The following CCDC171 variants were observed in gnomAD, a reference collection of about 807,000 sequenced individuals.
CCDC171 encodes the protein coiled-coil domain containing 171, also known as coiled-coil domain-containing protein 171.
In CCDC171, 177 loss-of-function variants were observed where a neutral mutation model predicts 168.2. The ratio of observed to expected loss-of-function variants is 1.05; its 90% CI spans 0.93 to 1.19. The LOEUF is 1.19. Ranked by LOEUF, CCDC171 falls within the 50% of genes most tolerant of loss-of-function variation. The pLI, the probability that CCDC171 is intolerant of heterozygous loss-of-function variation, is 0.00. For missense variants in CCDC171, 1,991 were observed against 1,539.0 expected, an observed-to-expected ratio of 1.29 and a Z score of -4.91; for synonymous variants, 687 against 540.8, an observed-to-expected ratio of 1.27 and a Z score of -3.75.
At chr9:15,709,625 A>T (rs1331667088) in intron 11 of CCDC171, among the ~76,000 whole-genome samples, 1 of 152,192 alleles carries the variant, frequency 6.6e-6, no homozygotes, top group East Asian at 1.9e-4. Flanking sequence ...TTACAGGGAA[A>T]AATAATCAAA....
chr9:15,555,272 CA>C (rs1221358287), intron 1 of CCDC171, among the ~76,000 whole-genome samples: 1 of 152,002 alleles, frequency 6.6e-6, no homozygotes, highest in Non-Finnish European at 1.5e-5. Flanking sequence ...ACTCCACTAT[CA>C]AAAAAAGATT....
intron 11 of CCDC171, among the ~76,000 whole-genome samples, chr9:15,710,654 G>A (rs2052596312): frequency 6.6e-6 from 1 of 151,516 alleles, no homozygotes; most frequent in Admixed American, 6.6e-5. Context: ...GGAGTACGGT[G>A]GCACAATCTC....
chr9:15,805,966 A>T lies in CCDC171; in HGVS notation c.3267+21272A>T, dbSNP rs555207585. Among the ~76,000 whole-genome samples, 11 of 152,192 alleles carry T rather than the reference A, an allele frequency of 7.2e-5. No homozygotes were observed. The South Asian group carries it at 1.2e-3, about 17-fold the overall frequency. On this transcript the variant is annotated intron_variant, in intron 21 of 25. Coordinates refer to ENST00000380701, the MANE Select transcript of CCDC171 (RefSeq NM_173550.4). Reference sequence around the variant, plus strand: ...TTTATTGTGTGTATATATATTTAGTATAGTTAGCTCTTCTTGTTGAATGTC... The same window carrying T: ...TTTATTGTGTGTATATATATTTAGTTTAGTTAGCTCTTCTTGTTGAATGTC...
intron 5 of CCDC171, 33 bp downstream of exon 5, chr9:15,591,589 A>T (rs2042012242): frequency 8.3e-7 from 1 of 1,204,464 alleles, no homozygotes; most frequent in Non-Finnish European, 1.2e-6. Context: ...ATTTTCCGAT[A>T]TGTAATATTC....
At chr9:16,045,377 G>C (rs1442862991) in intron 1 of CCDC171, among the ~76,000 whole-genome samples, 2 of 152,204 alleles carry the variant, frequency 1.3e-5, no homozygotes, top group Non-Finnish European at 2.9e-5. Context: ...GACATTTTGA[G>C]CTGATGATTC....
At chr9:16,072,474 A>T in the CCDC171 span, among the ~76,000 whole-genome samples, 1 of 152,108 alleles carries the variant, frequency 6.6e-6, no homozygotes, top group African/African-American at 2.4e-5. Flanking sequence ...TCTTACCTTG[A>T]GTAGCCTTTG....
intron 3 of CCDC171, among the ~76,000 whole-genome samples, chr9:16,010,862 G>A (rs565694056): frequency 5.1e-4 from 77 of 152,158 alleles, no homozygotes; most frequent in Non-Finnish European, 8.7e-4. Context: ...TGCCCTAAAA[G>A]AGTATACAAT....
chr9:15,612,453 G>T (rs916192270), intron 6 of CCDC171, among the ~76,000 whole-genome samples: 2 of 152,088 alleles, frequency 1.3e-5, no homozygotes, highest in Admixed American at 1.3e-4. Flanking sequence ...GAGATGATTA[G>T]CTATGTTTAA....
chr9:16,029,918 T>TGTG (rs1307163121), intron 6 of CCDC171, among the ~76,000 whole-genome samples: 7 of 152,188 alleles, frequency 4.6e-5, no homozygotes, highest in Non-Finnish European at 8.8e-5. Flanking sequence ...GTTTATAAAC[T>TGTG]GGAATTTATT....
At chr9:15,937,621 A>C (rs1232314222) in intron 25 of CCDC171, among the ~76,000 whole-genome samples, 6 of 152,024 alleles carry the variant, frequency 3.9e-5, no homozygotes, top group Non-Finnish European at 8.8e-5. Context: ...CTAAAAAAGC[A>C]CACTGGGGAG....
At chr9:15,957,451 C>T (rs1829911537) in intron 25 of CCDC171, among the ~76,000 whole-genome samples, 1 of 152,128 alleles carries the variant, frequency 6.6e-6, no homozygotes, top group Non-Finnish European at 1.5e-5. Context: ...AATCCAAGCA[C>T]CTTAAAAGAT....
intron 25 of CCDC171, among the ~76,000 whole-genome samples, chr9:15,923,117 A>T (rs1398111085): frequency 6.6e-6 from 1 of 151,266 alleles, no homozygotes; most frequent in Non-Finnish European, 1.5e-5. Context: ...TTAAGATCAT[A>T]TCCCAAAAAA....
intron 18 of CCDC171, among the ~76,000 whole-genome samples, chr9:15,758,345 G>A (rs985464019): frequency 1.3e-5 from 2 of 152,192 alleles, no homozygotes; most frequent in Non-Finnish European, 2.9e-5. Context: ...CTGGATTTTG[G>A]ACTTGCGTGG....
chr9:16,032,496 T>C (rs1053606856), intron 6 of CCDC171, among the ~76,000 whole-genome samples: 1 of 152,134 alleles, frequency 6.6e-6, no homozygotes, highest in Non-Finnish European at 1.5e-5. Flanking sequence ...CAGTCTGGGA[T>C]CTGGCTTCTC....
At chr9:15,692,097 C>G (rs2050842672) in intron 10 of CCDC171, among the ~76,000 whole-genome samples, 2 of 152,206 alleles carry the variant, frequency 1.3e-5, no homozygotes, top group South Asian at 4.1e-4. Flanking sequence ...ATTTTTTGGT[C>G]AGGTGTGGTG....
intron 10 of CCDC171, among the ~76,000 whole-genome samples, chr9:15,684,567 CCTTT>C (rs1300974055): frequency 1.3e-5 from 2 of 151,722 alleles, no homozygotes; most frequent in Non-Finnish European, 1.5e-5. Flanking sequence ...TATTTACGTG[CCTTT>C]CTATTTGTGG....
intron 24 of CCDC171, chr9:15,886,039 A>C (rs904566748): frequency 3.3e-5 from 5 of 152,148 alleles, no homozygotes; most frequent in Admixed American, 2.0e-4. Flanking sequence ...TATCAAAATC[A>C]CAGTTTTAAA....
intron 6 of CCDC171, among the ~76,000 whole-genome samples, chr9:15,617,475 C>G (rs1164912969): frequency 6.6e-6 from 1 of 151,026 alleles, no homozygotes; most frequent in Non-Finnish European, 1.5e-5. Flanking sequence ...CTCCTGGGTT[C>G]ATGCCATTCT....
At position 15,858,979 on chromosome 9, in the gene CCDC171, G is replaced by A. The variant is rs1478948208; in HGVS notation, c.3468+10032G>A. 2.6e-5 allele frequency among the ~76,000 whole-genome samples: 4 copies of A among 152,140 alleles called. No homozygotes were observed. The East Asian group carries it at 7.7e-4, about 29-fold the overall frequency. ...CCTTGTTCATGATTTTAGAGGAAAA[G>A]CTTTAAGTTTTTAATCATTGAGTAT... On this transcript the variant is annotated intron_variant, in intron 23 of 25. Transcript: ENST00000380701.
Sources: allele counts gnomAD v4.1 joint callset (sites outside exome capture counted in the v4.1 genomes callset), GRCh38; gene constraint gnomAD v4.1.1; transcripts MANE v1.5; gene names NCBI Gene and HGNC (gene_info 2026-07-23, HGNC 2026-07-21).